NFIA: variants seen among roughly 807,000 people sequenced by gnomAD.
NFIA encodes nuclear factor I A.
A neutral mutation model predicts 62.8 loss-of-function variants in NFIA; 8 were observed. The observed-to-expected ratio is 0.13, with a 90% CI of 0.07 to 0.23. The LOEUF (loss-of-function observed/expected upper bound fraction) is 0.23, where lower values mean the gene tolerates loss of function less well. NFIA is among the 10% of genes least tolerant of loss of function. The probability of loss-of-function intolerance (pLI) is 1.00; values close to 1 mark genes in which losing one functional copy is unlikely to be tolerated. For synonymous variants in NFIA, 235 were observed against 238.1 expected (o/e 0.99, Z 0.12); for missense variants, 410 against 642.1 (o/e 0.64, Z 3.91).
chr1:61,380,005 C>T (rs896137156), intron 6 of NFIA, among the ~76,000 whole-genome samples: 1 of 152,116 alleles, frequency 6.6e-6, no homozygotes. Flanking sequence ...TATGTTTGCC[C>T]TTGTCTACTG....
chr1:61,346,544 C>T (rs79328428), intron 4 of NFIA, among the ~76,000 whole-genome samples: 2,744 of 152,200 alleles, frequency 0.018, 74 homozygotes, highest in African/African-American at 0.059. Flanking sequence ...TTCAAGTGCA[C>T]AATTGGGAAC....
At chr1:61,163,522 C>G (rs1413672434) in intron 2 of NFIA, among the ~76,000 whole-genome samples, 1 of 151,928 alleles carries the variant, frequency 6.6e-6, no homozygotes, top group Admixed American at 6.6e-5. Context: ...TAAATAGTAG[C>G]TATTTTTATC....
chr1:61,366,245 G>A (rs5021982), intron 6 of NFIA, among the ~76,000 whole-genome samples: 2 of 152,060 alleles, frequency 1.3e-5, no homozygotes, highest in African/African-American at 4.8e-5. Flanking sequence ...ATTTGAGACC[G>A]CATCTGCATT....
chr1:61,078,453 C>T (rs1450605287), upstream of NFIA, among the ~76,000 whole-genome samples: 3 of 152,146 alleles, frequency 2.0e-5, no homozygotes, highest in Admixed American at 1.3e-4. Flanking sequence ...AAACGTGTGG[C>T]TTAAATCTTG....
intron 2 of NFIA, among the ~76,000 whole-genome samples, chr1:61,209,662 A>C (rs2100601580): frequency 7.9e-6 from 1 of 125,846 alleles, no homozygotes; most frequent in Non-Finnish European, 1.6e-5. Flanking sequence ...CATCTCTATG[A>C]AAAATACAAC....
intron 2 of NFIA, chr1:61,251,440 T>C (rs1034884063): frequency 6.6e-6 from 1 of 152,228 alleles, no homozygotes; most frequent in Admixed American, 6.5e-5. Context: ...AATCACTTTA[T>C]TTTTATTGCT....
At chr1:61,253,668 A>G (rs957664136) in intron 2 of NFIA, among the ~76,000 whole-genome samples, 2 of 152,222 alleles carry the variant, frequency 1.3e-5, no homozygotes, top group African/African-American at 4.8e-5. Flanking sequence ...GTCTGCCTTC[A>G]TGAAGACAAA....
In NFIA at chr1:61,122,022, A is replaced by G. The variant is rs1186410161; in HGVS notation, c.559+33342A>G. ...AAGCATCATAGGATGTTATAGTTAT[A>G]AGGGACCATAGGTTTCATTTAACGC... On this transcript the variant is annotated intron_variant, in intron 2 of 10. Transcript: ENST00000403491. 3.9e-5 allele frequency among the ~76,000 whole-genome samples: 6 copies of G among 152,310 alleles called. No homozygotes were observed. The East Asian group carries it at 1.2e-3, about 29-fold the overall frequency.
At chr1:61,343,411 C>A (rs2100414501) in intron 4 of NFIA, among the ~76,000 whole-genome samples, 1 of 152,318 alleles carries the variant, frequency 6.6e-6, no homozygotes, top group East Asian at 1.9e-4. Context: ...CCTTCCGCCA[C>A]CATGTATATA....
intron 2 of NFIA, among the ~76,000 whole-genome samples, chr1:61,242,384 G>A (rs1655400664): frequency 6.6e-6 from 1 of 152,096 alleles, no homozygotes; most frequent in African/African-American, 2.4e-5. Flanking sequence ...GATAGAAGAA[G>A]CTGAGGAAAT....
intron 4 of NFIA, among the ~76,000 whole-genome samples, chr1:61,348,411 C>A (rs914405663): frequency 5.9e-5 from 9 of 152,194 alleles, no homozygotes; most frequent in African/African-American, 1.9e-4. Context: ...ACACACATAA[C>A]CAGTTTGCCA....
At chr1:61,277,773 G>A (rs1033301789) in intron 3 of NFIA, among the ~76,000 whole-genome samples, 188 bp downstream of exon 3, 7 of 152,092 alleles carry the variant, frequency 4.6e-5, no homozygotes, top group African/African-American at 1.7e-4. Context: ...CACCCCAGCA[G>A]CCTCAGGACC....
chr1:61,252,945 A>T (rs1656139475), intron 2 of NFIA, among the ~76,000 whole-genome samples: 1 of 152,148 alleles, frequency 6.6e-6, no homozygotes, highest in African/African-American at 2.4e-5. Flanking sequence ...CTACCAAGGG[A>T]AAAAAAGGGA....
chr1:61,169,043 A>G (rs1167956654), intron 2 of NFIA, among the ~76,000 whole-genome samples: 1 of 152,232 alleles, frequency 6.6e-6, no homozygotes, highest in Non-Finnish European at 1.5e-5. Context: ...GCCTAAATGC[A>G]TAAAATAGCA....
At chr1:61,084,461 A>T (rs1173670457) in intron 1 of NFIA, among the ~76,000 whole-genome samples, 11 of 149,826 alleles carry the variant, frequency 7.3e-5, no homozygotes, top group Non-Finnish European at 1.6e-4. Context: ...CAAAGTTCCT[A>T]TTTTAGTAAC....
At chr1:61,197,896 G>A (rs1054356276) in intron 2 of NFIA, among the ~76,000 whole-genome samples, 28 of 152,010 alleles carry the variant, frequency 1.8e-4, no homozygotes, top group African/African-American at 6.3e-4. Flanking sequence ...CAGGAGAATC[G>A]CTTGAACCCG....
At chr1:61,196,255 A>G (rs1418443891) in intron 2 of NFIA, among the ~76,000 whole-genome samples, 1 of 152,180 alleles carries the variant, frequency 6.6e-6, no homozygotes, top group Admixed American at 6.5e-5. Context: ...TGGATAAGAA[A>G]TTTGTATAAA....
At chr1:61,257,329 G>GTT (rs67912567) in intron 2 of NFIA, among the ~76,000 whole-genome samples, 1,821 of 54,738 alleles carry the variant, frequency 0.033, 366 homozygotes, top group East Asian at 0.07. Flanking sequence ...TTACTGCGTT[G>GTT]TTTTTTTTTT....
intron 7 of NFIA, among the ~76,000 whole-genome samples, chr1:61,400,087 G>C (rs1445298116): frequency 6.6e-6 from 1 of 152,182 alleles, no homozygotes; most frequent in South Asian, 2.1e-4. Context: ...GGTGGGGAGG[G>C]AATGAACAAG....
Sources: gnomAD v4.1 joint callset for allele counts (sites outside exome capture counted in the v4.1 genomes callset) on GRCh38, gnomAD v4.1.1 for gene constraint, MANE v1.5 for transcripts, NCBI Gene and HGNC (gene_info 2026-07-23, HGNC 2026-07-21) for gene names.